Variants in ZSCAN30 observed in about 807,000 individuals in gnomAD.
ZSCAN30 encodes zinc finger and SCAN domain containing 30, also known as zinc finger and SCAN domain-containing protein 30.
Under a neutral mutation model 44.3 loss-of-function variants are expected in ZSCAN30, and 37 were observed. The observed-to-expected ratio is 0.84, with a 90% CI of 0.64 to 1.10. The LOEUF (loss-of-function observed/expected upper bound fraction) is 1.10. Among genes scored for constraint, ZSCAN30 ranks in the 50% least tolerant of loss-of-function variants. ZSCAN30 has a pLI of 0.00. For synonymous variants in ZSCAN30, 181 were observed against 204.6 expected (o/e 0.88, Z 0.98); for missense variants, 549 against 582.6 (o/e 0.94, Z 0.59).
chr18:35,264,168 G>C lies in ZSCAN30; in HGVS notation c.185C>G (p.Pro62Arg). ...TCGCAGCCGGCTCAGAGCCTCCCGA[G>C]GGCCAGTGGAGTCAGAGTAACTAAA... The part of the protein sequence containing the change: ...RQFSYSDSTG[P>R]REALSRLREL... Residue 62 changes from proline (P) to arginine (R), a missense_variant, in exon 2 of 4, where the codon CCT becomes CGT. Transcript: ENST00000333206. 1.2e-6 allele frequency: 2 copies of C among 1,614,228 alleles called. No homozygotes were observed. The highest frequency in any genetic ancestry group is 1.7e-6 in the Non-Finnish European group (2 of 1,180,048).
At chr18:35,278,613 G>A (rs1462736173) in intron 1 of ZSCAN30, among the ~76,000 whole-genome samples, 1 of 152,176 alleles carries the variant, frequency 6.6e-6, no homozygotes, top group Non-Finnish European at 1.5e-5. Flanking sequence ...TCCAGAGCAT[G>A]CTATCTGAGA....
chr18:35,278,821 A>G (rs1046767667), intron 1 of ZSCAN30, among the ~76,000 whole-genome samples: 8 of 152,250 alleles, frequency 5.3e-5, no homozygotes, highest in African/African-American at 1.9e-4. Flanking sequence ...ATAGCACAGC[A>G]TGATTCAGCC....
At chr18:35,263,437 G>A (rs542746005) in intron 3 of ZSCAN30, 76 bp downstream of exon 3, 263 of 1,576,080 alleles carry the variant, frequency 1.7e-4, no homozygotes, top group African/African-American at 9.6e-4. Context: ...AGTGGCTGTC[G>A]TTAAGAAAAT....
chr18:35,286,147 C>T (rs998423391), intron 1 of ZSCAN30, among the ~76,000 whole-genome samples: 3 of 152,058 alleles, frequency 2.0e-5, no homozygotes, highest in African/African-American at 7.2e-5. Context: ...AATATATAAC[C>T]TGAATAGCAC....
intron 1 of ZSCAN30, among the ~76,000 whole-genome samples, chr18:35,279,166 T>G (rs910226123): frequency 6.6e-6 from 1 of 152,158 alleles, no homozygotes; most frequent in Non-Finnish European, 1.5e-5. Context: ...GCACCCCACT[T>G]CTGGTACCAC....
intron 1 of ZSCAN30, among the ~76,000 whole-genome samples, chr18:35,288,954 CTGTTTTGTTTTGTTT>C (rs36224225): frequency 1.3e-4 from 20 of 150,778 alleles, no homozygotes; most frequent in African/African-American, 2.9e-4. Context: ...CTCAATAAAG[CTGTTTTGTTTTGTTT>C]TGTTTTGTTT....
At chr18:35,273,729 G>A (rs1195014599) in intron 1 of ZSCAN30, among the ~76,000 whole-genome samples, 1 of 152,176 alleles carries the variant, frequency 6.6e-6, no homozygotes, top group Non-Finnish European at 1.5e-5. Context: ...TCTTATGCCA[G>A]TACCACACTG....
intron 1 of ZSCAN30, chr18:35,282,661 C>A (rs897983015): frequency 1.3e-5 from 2 of 152,286 alleles, no homozygotes; most frequent in East Asian, 3.9e-4. Context: ...AACTACTCTA[C>A]CATCCTCTAG....
At chr18:35,270,538 A>C (rs555528320) in intron 1 of ZSCAN30, among the ~76,000 whole-genome samples, 2 of 152,072 alleles carry the variant, frequency 1.3e-5, no homozygotes, top group African/African-American at 2.4e-5. Context: ...CTGTCATTGG[A>C]TTTTTTAATT....
intron 1 of ZSCAN30, among the ~76,000 whole-genome samples, chr18:35,279,364 T>A (rs544482104): frequency 2.1e-4 from 32 of 152,354 alleles, no homozygotes; most frequent in African/African-American, 7.7e-4. Context: ...TACTCCAATC[T>A]CTGCCTCCAT....
intron 1 of ZSCAN30, among the ~76,000 whole-genome samples, chr18:35,276,605 C>T (rs1376581757): frequency 2.0e-5 from 3 of 152,224 alleles, no homozygotes; most frequent in African/African-American, 7.2e-5. Context: ...GCAGCTTCCA[C>T]ATGGTGTTGA....
chr18:35,272,022 C>T (rs1017077844), intron 1 of ZSCAN30, among the ~76,000 whole-genome samples: 2 of 152,330 alleles, frequency 1.3e-5, no homozygotes, highest in African/African-American at 4.8e-5. Flanking sequence ...CACAGCTCCC[C>T]GCAAGCAGAG....
At chr18:35,258,658 T>A (rs1394834169) in intron 3 of ZSCAN30, 1 of 151,598 alleles carries the variant, frequency 6.6e-6, no homozygotes, top group African/African-American at 2.4e-5. Flanking sequence ...GATAACAAGG[T>A]CAGGAGTTTG....
chr18:35,270,170 G>T (rs2044241924), intron 1 of ZSCAN30: 1 of 152,126 alleles, frequency 6.6e-6, no homozygotes, highest in African/African-American at 2.4e-5. Flanking sequence ...ATCAATTTTG[G>T]TCAACTAATT....
chr18:35,280,815 G>C (rs537571015), intron 1 of ZSCAN30: 1 of 152,292 alleles, frequency 6.6e-6, no homozygotes, highest in African/African-American at 2.4e-5. Context: ...ATGAGCAAAA[G>C]GCAAGTTAAT....
chr18:35,272,152 G>C (rs868074357), intron 1 of ZSCAN30, among the ~76,000 whole-genome samples: 3 of 152,176 alleles, frequency 2.0e-5, no homozygotes, highest in Non-Finnish European at 4.4e-5. Context: ...GAGAGCGAGC[G>C]AGGGCTGCTA....
chr18:35,276,024 T>C (rs1342056549), intron 1 of ZSCAN30, among the ~76,000 whole-genome samples: 3 of 152,252 alleles, frequency 2.0e-5, no homozygotes, highest in Non-Finnish European at 2.9e-5. Context: ...TTGGTCGTAG[T>C]AGAAAATCCT....
intron 1 of ZSCAN30, among the ~76,000 whole-genome samples, chr18:35,276,196 G>A (rs1412648045): frequency 6.6e-6 from 1 of 152,184 alleles, no homozygotes; most frequent in Admixed American, 6.5e-5. Flanking sequence ...TTGTTTTGGG[G>A]AGGGGAAGAG....
chr18:35,253,502 A>G lies in ZSCAN30; in HGVS notation c.1433T>C (p.Phe478Ser). 6.2e-7 allele frequency: 1 copy of G among 1,610,196 alleles called. No homozygotes were observed. Among genetic ancestry groups the G allele is most frequent in the Middle Eastern group, 1.7e-4 (1 of 6,042 alleles). Reference protein sequence around the residue: ...PYECSECRKTFRHRSGLMQHQ... With the variant: ...PYECSECRKTSRHRSGLMQHQ... ...CTGCATAAGGCCTGACCTATGCCTAAATGTTTTTCTACATTCACTACATTC... is the reference window on the plus strand; with the variant it reads ...CTGCATAAGGCCTGACCTATGCCTAGATGTTTTTCTACATTCACTACATTC... The change falls in exon 4 of 4, where the codon TTT becomes TCT. Residue 478 changes from phenylalanine (F) to serine (S), a missense_variant. Physicochemically the swap from Phe to Ser is radical, Grantham distance 155. Coordinates refer to ENST00000333206, the MANE Select transcript of ZSCAN30 (RefSeq NM_001112734.4).
Sources: allele counts gnomAD v4.1 joint callset (sites outside exome capture counted in the v4.1 genomes callset), GRCh38; gene constraint gnomAD v4.1.1; transcripts MANE v1.5; gene names NCBI Gene and HGNC (gene_info 2026-07-23, HGNC 2026-07-21).